Variants in STXBP5L observed in about 807,000 individuals in gnomAD.
STXBP5L encodes syntaxin-binding protein 5-like.
STXBP5L carries 65 observed loss-of-function variants against 144.5 expected under a neutral mutation model. The observed-to-expected ratio is 0.45, with a 90% confidence interval of 0.37 to 0.55. STXBP5L has a LOEUF of 0.55. Ranked by LOEUF, STXBP5L falls within the 20% of genes least tolerant of loss-of-function variation. The probability of loss-of-function intolerance (pLI) is 0.00; values close to 1 mark genes in which losing one functional copy is unlikely to be tolerated. For synonymous variants in STXBP5L, 505 were observed against 469.6 expected (o/e 1.08, Z -0.97); for missense variants, 1,298 against 1,405.5 (o/e 0.92, Z 1.22).
chr3:121,329,903 A>G (rs1413097460), intron 20 of STXBP5L, among the ~76,000 whole-genome samples: 1 of 121,848 alleles, frequency 8.2e-6, no homozygotes, highest in Non-Finnish European at 1.9e-5. Flanking sequence ...TACTTGTCAC[A>G]CCACATATGA....
chr3:120,973,872 T>G, intron 3 of STXBP5L, among the ~76,000 whole-genome samples: 1 of 152,170 alleles, frequency 6.6e-6, no homozygotes. Flanking sequence ...GGACATGAAC[T>G]CATCCTTTTT....
chr3:121,218,637 T>G (rs1455587021), intron 10 of STXBP5L, among the ~76,000 whole-genome samples: 1 of 151,816 alleles, frequency 6.6e-6, no homozygotes, highest in African/African-American at 2.4e-5. Flanking sequence ...TCAGGAAAAT[T>G]CTTTGGCAAG....
chr3:121,257,270 T>C lies in STXBP5L; in HGVS notation c.1769T>C (p.Leu590Pro). Residue 590 changes from leucine (L) to proline (P), a missense_variant, in exon 17 of 27, where the codon CTT becomes CCT. Physicochemically the swap from Leu to Pro is moderately conservative, Grantham distance 98 (BLOSUM62 -3). Transcript: ENST00000471454. ...GCCCAGCTTCCTTCTTCAAGGAGTC[T>C]TTCTGGGAGCACTAACACTGTTGCT... ...LSAQLPSSRS[L>P]SGSTNTVASE... is the part of the protein sequence containing the mutation. 1 of 1,613,864 alleles carries C rather than the reference T, an allele frequency of 6.2e-7. No individual in the cohort carries two copies. Among genetic ancestry groups the C allele is most frequent in the African/African-American group, 1.3e-5 (1 of 75,032 alleles).
intron 3 of STXBP5L, among the ~76,000 whole-genome samples, chr3:120,979,926 G>T (rs565528132): frequency 1.3e-5 from 2 of 152,100 alleles, no homozygotes; most frequent in East Asian, 3.9e-4. Flanking sequence ...TTGTGTTTCT[G>T]TTTTCATTTG....
At chr3:121,264,491 G>GA (rs1329450421) in intron 18 of STXBP5L, among the ~76,000 whole-genome samples, 1 of 152,062 alleles carries the variant, frequency 6.6e-6, no homozygotes, top group Non-Finnish European at 1.5e-5. Context: ...GTTTTGGAAA[G>GA]AAAAAACCGG....
At position 121,074,248 on chromosome 3, in the gene STXBP5L, C is replaced by T. The variant is rs533601240; in HGVS notation, c.470+28713C>T. On this transcript the variant is annotated intron_variant, in intron 5 of 26. Coordinates refer to ENST00000471454, the MANE Select transcript of STXBP5L (RefSeq NM_001308330.2). ...ATGCAGAAGAATGCATCCTTTATGT[C>T]TAAGCATGTAAACCAAGCAGCATCC... is the stretch of plus-strand genomic sequence containing the variant. 2.6e-5 allele frequency among the ~76,000 whole-genome samples: 4 copies of T among 152,238 alleles called. No individual in the cohort carries two copies. The South Asian group carries it at 6.2e-4, about 24-fold the overall frequency.
intron 19 of STXBP5L, among the ~76,000 whole-genome samples, chr3:121,289,518 C>G (rs2051351187): frequency 6.6e-6 from 1 of 152,142 alleles, no homozygotes; most frequent in Admixed American, 6.5e-5. Context: ...AACAAAGAAA[C>G]AATGGACTTA....
intron 3 of STXBP5L, among the ~76,000 whole-genome samples, chr3:120,988,993 T>C (rs371422923): frequency 2.4e-4 from 37 of 152,094 alleles, no homozygotes; most frequent in African/African-American, 8.9e-4. Flanking sequence ...AAGACATGAT[T>C]TCATTCTTTT....
intron 5 of STXBP5L, among the ~76,000 whole-genome samples, chr3:121,110,213 G>T (rs2043912993): frequency 1.3e-5 from 2 of 152,116 alleles, no homozygotes; most frequent in African/African-American, 2.4e-5. Flanking sequence ...TACATTTAAG[G>T]TTAATATTGT....
intron 5 of STXBP5L, among the ~76,000 whole-genome samples, chr3:121,091,662 A>T (rs2042804197): frequency 1.3e-5 from 2 of 152,058 alleles, no homozygotes; most frequent in South Asian, 4.1e-4. Context: ...TTCATCATAG[A>T]TTCTGGATAT....
chr3:121,177,240 G>C (rs1346498080), intron 9 of STXBP5L, among the ~76,000 whole-genome samples: 2 of 152,014 alleles, frequency 1.3e-5, no homozygotes, highest in Admixed American at 6.6e-5. Flanking sequence ...CATAAGTTTA[G>C]ATAGGCTTAA....
chr3:120,926,301 C>T (rs753097092), intron 2 of STXBP5L, among the ~76,000 whole-genome samples: 13 of 148,828 alleles, frequency 8.7e-5, no homozygotes, highest in Non-Finnish European at 1.6e-4. Context: ...GACTTTGTCT[C>T]TCCTTCATAG....
intron 9 of STXBP5L, among the ~76,000 whole-genome samples, chr3:121,203,267 A>G (rs975868609): frequency 1.8e-4 from 27 of 152,230 alleles, no homozygotes; most frequent in Admixed American, 1.6e-3. Flanking sequence ...ATTGCCATTG[A>G]TTGGCTATTT....
rs1360850158 is a variant in STXBP5L, at chr3:121,292,196, G to GA, written c.2110+12248dup. 2.6e-5 allele frequency among the ~76,000 whole-genome samples: 4 copies of GA among 151,400 alleles called. 1 individual carries two copies. The highest frequency in any genetic ancestry group is 7.3e-5 in the African/African-American group (3 of 41,188). On this transcript the variant is annotated intron_variant, in intron 19 of 26. Coordinates refer to ENST00000471454, the MANE Select transcript of STXBP5L (RefSeq NM_001308330.2). ...AATCTATAGGAACTCAAATCAGCCAGAAAAAAAATCAAATAATCCCATCAA... is the reference window on the plus strand; with the variant it reads ...AATCTATAGGAACTCAAATCAGCCAGAAAAAAAAATCAAATAATCCCATCAA...
At chr3:121,179,150 AAAAT>A (rs1006854431) in intron 9 of STXBP5L, among the ~76,000 whole-genome samples, 2 of 152,072 alleles carry the variant, frequency 1.3e-5, no homozygotes, top group African/African-American at 2.4e-5. Flanking sequence ...GGAGAAAAAG[AAAAT>A]AAATAAATAA....
chr3:121,299,634 A>G (rs568958595), intron 19 of STXBP5L, among the ~76,000 whole-genome samples: 1 of 152,096 alleles, frequency 6.6e-6, no homozygotes, highest in Non-Finnish European at 1.5e-5. Context: ...AATTTTTTCC[A>G]AATTTGATGA....
At chr3:121,368,838 C>T (rs531165126) in intron 20 of STXBP5L, among the ~76,000 whole-genome samples, 22 of 151,970 alleles carry the variant, frequency 1.4e-4, no homozygotes, top group East Asian at 5.8e-4. Flanking sequence ...GTCTGGCTCT[C>T]GAAAGAAGAA....
chr3:121,062,928 A>G (rs552686633), intron 5 of STXBP5L, among the ~76,000 whole-genome samples: 1 of 152,274 alleles, frequency 6.6e-6, no homozygotes, highest in South Asian at 2.1e-4. Flanking sequence ...CTAGGTTCTT[A>G]GCTTCCTTGC....
At chr3:121,144,139 TAAAAAA>T (rs3070611) in intron 7 of STXBP5L, among the ~76,000 whole-genome samples, 1 of 134,510 alleles carries the variant, frequency 7.4e-6, no homozygotes, top group African/African-American at 2.7e-5. Context: ...AACTCAATAG[TAAAAAA>T]AAAAAAAAAA....
Sources: gnomAD v4.1 joint callset for allele counts (sites outside exome capture counted in the v4.1 genomes callset) on GRCh38, gnomAD v4.1.1 for gene constraint, MANE v1.5 for transcripts, NCBI Gene and HGNC (gene_info 2026-07-23, HGNC 2026-07-21) for gene names.